The following SOHLH2 variants were observed in gnomAD, a reference collection of about 807,000 sequenced individuals.
SOHLH2 encodes the protein spermatogenesis and oogenesis specific basic helix-loop-helix 2.
Under a neutral mutation model 50.4 loss-of-function variants are expected in SOHLH2, and 22 were observed. The ratio of observed to expected loss-of-function variants is 0.44; its 90% CI spans 0.31 to 0.62. The LOEUF is 0.62. Ranked by LOEUF, SOHLH2 falls within the 20% of genes least tolerant of loss-of-function variation. SOHLH2 has a pLI of 0.08. For synonymous variants in SOHLH2, 185 were observed against 187.3 expected (o/e 0.99, Z 0.10); for missense variants, 412 against 504.4 (o/e 0.82, Z 1.76).
At position 36,174,715 on chromosome 13, in the gene SOHLH2, C is replaced by T. The variant is rs1887055880; in HGVS notation, c.789+7G>A. 1.3e-6 allele frequency: 2 copies of T among 1,596,226 alleles called. No homozygotes were observed. Among genetic ancestry groups the T allele is most frequent in the Admixed American group, 1.8e-5 (1 of 56,498 alleles). ...GGATAAAATTCAAAGCTTTGGGAGT[C>T]AAATACCTGGGCCATAACGGCTGGA... On this transcript the variant is annotated splice_region_variant and intron_variant, in intron 7 of 10. Transcript: ENST00000379881.
intron 4 of SOHLH2, among the ~76,000 whole-genome samples, chr13:36,192,731 A>G (rs963591538): frequency 5.3e-5 from 8 of 152,170 alleles, no homozygotes; most frequent in South Asian, 2.1e-4. Context: ...AATCACCACA[A>G]TCAAGTTAAT....
rs999691738 is a variant in SOHLH2 at position 36,178,949 on chromosome 13, T to C, written c.642-4080A>G. ...ATATATAAAATACCATTGATTTTTG[T>C]ACCTTATCTTCTGTAACCCTGTTAT... On this transcript the variant is annotated intron_variant, in intron 6 of 10. Transcript: ENST00000379881. Among the ~76,000 whole-genome samples the C allele has an allele frequency of 6.6e-5, 10 of 152,170 alleles. 1 individual carries two copies. The highest frequency in any genetic ancestry group is 2.4e-4 in the African/African-American group (10 of 41,456).
intron 6 of SOHLH2, chr13:36,182,192 T>C (rs1308018894): frequency 1.0e-6 from 1 of 985,218 alleles, no homozygotes; most frequent in Non-Finnish European, 1.2e-6. Flanking sequence ...CAAAAGATGG[T>C]AATACAGGGA....
chr13:36,195,696 G>T (rs191912250), intron 2 of SOHLH2, among the ~76,000 whole-genome samples: 46 of 152,280 alleles, frequency 3.0e-4, no homozygotes, highest in African/African-American at 1.0e-3. Flanking sequence ...GGGCATACCC[G>T]TGAACCTTTG....
intron 10 of SOHLH2, 60 bp from the exon 11 acceptor site, chr13:36,169,114 G>A: frequency 6.4e-7 from 1 of 1,559,518 alleles, no homozygotes; most frequent in South Asian, 1.2e-5. Flanking sequence ...TACTCATAAT[G>A]TCATGATTGT....
chr13:36,183,717 A>G (rs555577657), intron 6 of SOHLH2, among the ~76,000 whole-genome samples: 6 of 152,322 alleles, frequency 3.9e-5, no homozygotes, highest in South Asian at 2.1e-4. Context: ...AAATATAAAG[A>G]CATATACAGG....
intron 1 of SOHLH2, among the ~76,000 whole-genome samples, chr13:36,207,310 A>AT (rs201888298): frequency 0.016 from 2,459 of 149,692 alleles, 44 homozygotes; most frequent in Admixed American, 0.044. Context: ...ATTTACTGTA[A>AT]TTTTTTTTTT....
At chr13:36,175,785 G>A (rs947855694) in intron 6 of SOHLH2, among the ~76,000 whole-genome samples, 3 of 152,038 alleles carry the variant, frequency 2.0e-5, no homozygotes, top group African/African-American at 7.2e-5. Context: ...TGTTCTCACT[G>A]AGCTCTGAGG....
At position 36,191,783 on chromosome 13, in the gene SOHLH2, C is replaced by G. The variant is rs1240107170; in HGVS notation, c.530+12G>C. On this transcript the variant is annotated intron_variant, in intron 5 of 10. Transcript: ENST00000379881. The stretch of plus-strand genomic sequence containing the variant: ...AAAATATTGCTATTATGAAAAAGAA[C>G]AAAAAACTAACCAGGCAAATAGATC... 1 of 1,612,792 alleles carries G rather than the reference C, an allele frequency of 6.2e-7. No homozygotes were observed. The highest frequency in any genetic ancestry group is 8.5e-7 in the Non-Finnish European group (1 of 1,179,452).
intron 9 of SOHLH2, among the ~76,000 whole-genome samples, chr13:36,171,494 C>A (rs146279917): frequency 6.6e-6 from 1 of 152,108 alleles, no homozygotes; most frequent in South Asian, 2.1e-4. Context: ...GTAGTGAAAG[C>A]GAAATTTGGA....
intron 8 of SOHLH2, 55 bp from the exon 9 acceptor site, chr13:36,173,865 A>G (rs1566035098): frequency 6.3e-7 from 1 of 1,594,470 alleles, no homozygotes; most frequent in East Asian, 2.2e-5. Flanking sequence ...CAATGTGGAC[A>G]CTGCTGAGTT....
intron 6 of SOHLH2, among the ~76,000 whole-genome samples, chr13:36,175,160 G>A (rs370851093): frequency 7.7e-4 from 118 of 152,306 alleles, no homozygotes; most frequent in Middle Eastern, 3.4e-3. Context: ...GCTGCAGAGC[G>A]CAGGATGCCC....
intron 6 of SOHLH2, among the ~76,000 whole-genome samples, chr13:36,189,335 G>A (rs1479444049): frequency 6.6e-6 from 1 of 152,106 alleles, no homozygotes; most frequent in Non-Finnish European, 1.5e-5. Context: ...GAATTTCATA[G>A]CATGAAATAC....
chr13:36,209,218 TC>T (rs1427092097), intron 1 of SOHLH2, among the ~76,000 whole-genome samples: 1 of 152,170 alleles, frequency 6.6e-6, no homozygotes, highest in African/African-American at 2.4e-5. Context: ...ATAATTTCAA[TC>T]CATTTAATGT....
intron 1 of SOHLH2, among the ~76,000 whole-genome samples, chr13:36,211,663 C>T (rs1274947464): frequency 6.6e-6 from 1 of 152,228 alleles, no homozygotes; most frequent in Non-Finnish European, 1.5e-5. Context: ...CAACTATTTA[C>T]CAGTGGCTTT....
chr13:36,200,808 T>G (rs1887878446), intron 2 of SOHLH2, among the ~76,000 whole-genome samples: 1 of 151,928 alleles, frequency 6.6e-6, no homozygotes, highest in Non-Finnish European at 1.5e-5. Flanking sequence ...CCCAGCACTT[T>G]GGGAGGCCTA....
intron 9 of SOHLH2, among the ~76,000 whole-genome samples, chr13:36,172,999 G>A (rs1486378171): frequency 2.0e-5 from 3 of 148,208 alleles, no homozygotes; most frequent in African/African-American, 7.3e-5. Context: ...TTTCCATCTT[G>A]TTATTTCAGG....
intron 1 of SOHLH2, 124 bp downstream of exon 1, chr13:36,214,355 C>G: frequency 8.3e-7 from 1 of 1,211,374 alleles, no homozygotes; most frequent in Non-Finnish European, 1.2e-6. Context: ...CTGCTATTCG[C>G]TCCCCACAGT....
chr13:36,198,779 A>G (rs184043987), intron 2 of SOHLH2, among the ~76,000 whole-genome samples: 97 of 152,288 alleles, frequency 6.4e-4, no homozygotes, highest in African/African-American at 2.2e-3. Context: ...CTTCATTCTT[A>G]TTTTCAATAA....
Sources: allele counts gnomAD v4.1 joint callset (sites outside exome capture counted in the v4.1 genomes callset), GRCh38; gene constraint gnomAD v4.1.1; transcripts MANE v1.5; gene names NCBI Gene and HGNC (gene_info 2026-07-23, HGNC 2026-07-21).